The following PDK1 variants were observed in gnomAD, a reference collection of about 807,000 sequenced individuals.
PDK1 encodes [Pyruvate dehydrogenase (acetyl-transferring)] kinase isozyme 1, mitochondrial.
Under a neutral mutation model 54.2 loss-of-function variants are expected in PDK1, and 39 were observed. That is an observed-to-expected ratio of 0.72 (90% confidence interval 0.56 to 0.94). The LOEUF (loss-of-function observed/expected upper bound fraction) is 0.94. Among genes scored for constraint, PDK1 ranks in the 40% least tolerant of loss-of-function variants. The probability of loss-of-function intolerance (pLI) is 0.00; values close to 1 mark genes in which losing one functional copy is unlikely to be tolerated. For missense variants in PDK1, 552 were observed against 566.0 expected (o/e 0.98, Z 0.25); for synonymous variants, 221 against 207.1 (o/e 1.07, Z -0.58).
chr2:172,645,187 A>G, the PDK1 span, among the ~76,000 whole-genome samples: 3 of 145,828 alleles, frequency 2.1e-5, no homozygotes, highest in South Asian at 4.3e-4. Context: ...CCAGAAATCC[A>G]TTTACCAGCA....
the PDK1 span, among the ~76,000 whole-genome samples, chr2:172,635,854 C>T: frequency 6.6e-6 from 1 of 152,170 alleles, no homozygotes; most frequent in Non-Finnish European, 1.5e-5. Context: ...CCAGGCACCA[C>T]CCCAATAGCT....
chr2:172,666,737 A>G, the PDK1 span, among the ~76,000 whole-genome samples: 7 of 152,176 alleles, frequency 4.6e-5, no homozygotes, highest in Non-Finnish European at 1.0e-4. Flanking sequence ...AGAGCAGGTG[A>G]TAGAGGCTAG....
At chr2:172,654,771 T>A in the PDK1 span, among the ~76,000 whole-genome samples, 15 of 151,938 alleles carry the variant, frequency 9.9e-5, no homozygotes, top group Admixed American at 2.6e-4. Flanking sequence ...ATAAAAAAAA[T>A]TTTTTTTAAT....
At chr2:172,618,283 A>G in the PDK1 span, among the ~76,000 whole-genome samples, 2 of 152,236 alleles carry the variant, frequency 1.3e-5, no homozygotes, top group African/African-American at 4.8e-5. Flanking sequence ...AGTGTATAAG[A>G]TTGAAAAAGA....
chr2:172,583,280 G>GTTTTT (rs1401815533), intron 8 of PDK1, among the ~76,000 whole-genome samples: 4 of 93,918 alleles, frequency 4.3e-5, no homozygotes, highest in African/African-American at 5.0e-5. Flanking sequence ...AAAGTTTTCT[G>GTTTTT]GTTTTTTTTT....
the PDK1 span, among the ~76,000 whole-genome samples, chr2:172,717,115 A>G: frequency 6.6e-6 from 1 of 152,232 alleles, no homozygotes; most frequent in African/African-American, 2.4e-5. Flanking sequence ...CCAATGGAAT[A>G]TGGCAGAAAT....
Position 172,597,197 on chromosome 2 carries a change from T to G in PDK1, c.*1228T>G, listed in dbSNP as rs1014784112. 1.3e-5 allele frequency: 2 copies of G among 152,080 alleles called. No individual in the cohort carries two copies. The highest frequency in any genetic ancestry group is 4.8e-5 in the African/African-American group (2 of 41,396). The allele number at this position is 152,080 out of a possible 1,614,324, so 9.4% of individuals were successfully genotyped here. A position where few individuals can be genotyped will look rare whatever the true frequency, so the allele number is the denominator to read the frequency against. ...TCAAGGCTCACTGCAGCTTCAATCTTCTGGGCTCAAGTAATCCTTCCACCT... is the reference window on the plus strand; with the variant it reads ...TCAAGGCTCACTGCAGCTTCAATCTGCTGGGCTCAAGTAATCCTTCCACCT... On this transcript the variant is annotated 3_prime_UTR_variant, in exon 11 of 11. Coordinates refer to ENST00000282077, the MANE Select transcript of PDK1 (RefSeq NM_002610.5).
intron 9 of PDK1, among the ~76,000 whole-genome samples, chr2:172,588,280 T>C (rs1162353154): frequency 2.6e-5 from 4 of 152,176 alleles, no homozygotes; most frequent in African/African-American, 9.7e-5. Flanking sequence ...ACGAATATTG[T>C]AGAATTTTTA....
chr2:172,653,167 C>T, the PDK1 span, among the ~76,000 whole-genome samples: 1 of 152,252 alleles, frequency 6.6e-6, no homozygotes, highest in Non-Finnish European at 1.5e-5. Flanking sequence ...AATAATACCA[C>T]ACATCTACAA....
At chr2:172,693,967 T>C in the PDK1 span, among the ~76,000 whole-genome samples, 4 of 152,200 alleles carry the variant, frequency 2.6e-5, no homozygotes, top group Non-Finnish European at 5.9e-5. Context: ...CAAGCCTCAT[T>C]ATGTAAGAAG....
In PDK1 at chr2:172,606,288, T is replaced by TTA. The variant is rs1332014952; in HGVS notation, c.*10319_*10320insTA. ...CAATTTGCCTGCATCCTCTGGAAGG[T>TTA]AAAGAAGATCTCCTCTCTCTTAGAA... On this transcript the variant is annotated 3_prime_UTR_variant, in exon 11 of 11. Transcript: ENST00000282077. The TTA allele has an allele frequency of 6.6e-6, 1 of 152,218 alleles. No individual in the cohort carries two copies. The highest frequency in any genetic ancestry group is 6.5e-5 in the Admixed American group (1 of 15,280). 9.4% of individuals were successfully genotyped at this position (152,218 alleles called of 1,614,324 possible). A position where few individuals can be genotyped will look rare whatever the true frequency, so the allele number is the denominator to read the frequency against.
chr2:172,656,623 A>T, the PDK1 span, among the ~76,000 whole-genome samples: 7 of 152,220 alleles, frequency 4.6e-5, no homozygotes, highest in African/African-American at 1.7e-4. Context: ...TAGTTCCCCC[A>T]TGCGGCTGTA....
the PDK1 span, among the ~76,000 whole-genome samples, chr2:172,720,623 C>A: frequency 1.3e-5 from 2 of 152,192 alleles, no homozygotes; most frequent in East Asian, 3.9e-4. Flanking sequence ...TTCTATGGGA[C>A]TTCCCTGTAC....
At chr2:172,557,035 G>A (rs1257659926) in intron 1 of PDK1, among the ~76,000 whole-genome samples, 1 of 151,858 alleles carries the variant, frequency 6.6e-6, no homozygotes, top group Admixed American at 6.6e-5. Context: ...TGAAGGCGAT[G>A]AGGGGAAAAG....
the PDK1 span, among the ~76,000 whole-genome samples, chr2:172,658,503 A>G: frequency 6.6e-6 from 1 of 152,216 alleles, no homozygotes; most frequent in African/African-American, 2.4e-5. Flanking sequence ...ACAGAATAAC[A>G]GCAATTTTTA....
At chr2:172,586,217 G>A (rs1690218822) in intron 8 of PDK1, 61 bp from the exon 9 acceptor site, 4 of 889,510 alleles carry the variant, frequency 4.5e-6, no homozygotes, top group Non-Finnish European at 7.6e-6. Context: ...CTATGAGTAT[G>A]TGTTGATATT....
At chr2:172,632,323 T>C in the PDK1 span, among the ~76,000 whole-genome samples, 1 of 152,146 alleles carries the variant, frequency 6.6e-6, no homozygotes, top group Middle Eastern at 3.2e-3. Context: ...GGAATTGCAT[T>C]AAACTTATAG....
intron 3 of PDK1, chr2:172,562,888 G>A (rs1203751707): frequency 2.5e-6 from 3 of 1,214,802 alleles, no homozygotes; most frequent in African/African-American, 3.0e-5. Context: ...TTATTGCAGT[G>A]AAGGGTACTG....
the PDK1 span, among the ~76,000 whole-genome samples, chr2:172,660,042 G>A: frequency 6.6e-6 from 1 of 152,062 alleles, no homozygotes; most frequent in Non-Finnish European, 1.5e-5. Context: ...GCTAATTGAG[G>A]AGTCTGGTAA....
Sources: allele counts gnomAD v4.1 joint callset (sites outside exome capture counted in the v4.1 genomes callset), GRCh38; gene constraint gnomAD v4.1.1; transcripts MANE v1.5; gene names NCBI Gene and HGNC (gene_info 2026-07-23, HGNC 2026-07-21).